RYR3: variants seen among roughly 807,000 people sequenced by gnomAD.
The protein encoded by RYR3 is ryanodine receptor 3.
RYR3 carries 207 observed loss-of-function variants against 584.3 expected under a neutral mutation model. That is an observed-to-expected ratio of 0.35 (90% CI 0.32 to 0.40). The LOEUF is 0.40. Among genes scored for constraint, RYR3 ranks in the 10% least tolerant of loss-of-function variants. The probability of loss-of-function intolerance (pLI) is 1.00; values close to 1 mark genes in which losing one functional copy is unlikely to be tolerated. For synonymous variants in RYR3, 2,416 were observed against 2,248.5 expected, an observed-to-expected ratio of 1.07 and a Z score of -2.11; for missense variants, 5,616 against 6,089.2, an observed-to-expected ratio of 0.92 and a Z score of 2.59.
At chr15:33,418,849 G>A (rs2044019075) in intron 1 of RYR3, among the ~76,000 whole-genome samples, 1 of 152,090 alleles carries the variant, frequency 6.6e-6, no homozygotes, top group African/African-American at 2.4e-5. Flanking sequence ...GAGAATCAAG[G>A]CAATAAGCTA....
Position 33,838,475 on chromosome 15 carries a change from C to G in RYR3, c.12495C>G (p.Leu4165=). 4 of 1,614,008 alleles carry G rather than the reference C, an allele frequency of 2.5e-6. No homozygotes were observed. Among genetic ancestry groups the G allele is most frequent in the Non-Finnish European group, 3.4e-6 (4 of 1,179,896 alleles). ...TGAAGAGAGCAACCCTGAAGAACCTCAGGAAGCAGTACAGGAACGTGAAAA... is the reference window on the plus strand; with the variant it reads ...TGAAGAGAGCAACCCTGAAGAACCTGAGGAAGCAGTACAGGAACGTGAAAA... ...DFLKRATLKN[L]RKQYRNVKKM... Residue 4165 remains leucine, a synonymous_variant, in exon 89 of 104, where the codon CTC becomes CTG. Coordinates refer to ENST00000634891, the MANE Select transcript of RYR3 (RefSeq NM_001036.6).
At position 33,603,462 on chromosome 15, in the gene RYR3, C is replaced by T. The variant is rs1393744124; in HGVS notation, c.2164+98C>T. 10 of 1,297,368 alleles carry T rather than the reference C, an allele frequency of 7.7e-6. No homozygotes were observed. The Admixed American group carries it at 2.1e-4, about 27-fold the overall frequency. 80.4% of individuals were successfully genotyped at this position (1,297,368 alleles called of 1,614,324 possible). On this transcript the variant is annotated intron_variant, in intron 18 of 103. Coordinates refer to ENST00000634891, the MANE Select transcript of RYR3 (RefSeq NM_001036.6). ...ATGACCACTTCCATTTGAAATGATACAGACTCAAGAGTCTCAACTAATTAA... is the reference window on the plus strand; with the variant it reads ...ATGACCACTTCCATTTGAAATGATATAGACTCAAGAGTCTCAACTAATTAA...
intron 1 of RYR3, among the ~76,000 whole-genome samples, chr15:33,470,106 C>T (rs967414270): frequency 1.3e-5 from 2 of 152,120 alleles, no homozygotes; most frequent in African/African-American, 2.4e-5. Flanking sequence ...AGCAGGAAAC[C>T]TTTATGTGAT....
At chr15:33,644,190 G>A in intron 27 of RYR3, 121 bp from the exon 28 acceptor site, 1 of 713,618 alleles carries the variant, frequency 1.4e-6, no homozygotes, top group Non-Finnish European at 2.4e-6. Flanking sequence ...AGAAAGAACG[G>A]GTTGTGTCAC....
At chr15:33,766,247 T>C (rs543446295) in intron 60 of RYR3, among the ~76,000 whole-genome samples, 8 of 148,336 alleles carry the variant, frequency 5.4e-5, no homozygotes, top group African/African-American at 1.8e-4. Flanking sequence ...GGCACCACTA[T>C]ACTCCAGCCT....
Position 33,613,169 on chromosome 15 carries a change from TC to T in RYR3, c.2165-13del. 1.2e-6 allele frequency: 2 copies of T among 1,610,132 alleles called. No individual in the cohort carries two copies. The highest frequency in any genetic ancestry group is 1.7e-6 in the Non-Finnish European group (2 of 1,177,188). On this transcript the variant is annotated splice_polypyrimidine_tract_variant and intron_variant, in intron 18 of 103. Transcript: ENST00000634891. ...CAGAGTTCCACAGCCTTCTTCCTGT[TC>T]TTTCCTCACCAGGCCGGATACCCAG... is the stretch of plus-strand genomic sequence containing the variant.
rs971929402 is a variant in RYR3 at position 33,788,473 on chromosome 15, A to G, written c.9830+15A>G. The G allele has an allele frequency of 6.2e-7, 1 of 1,609,382 alleles. No homozygotes were observed. Among genetic ancestry groups the G allele is most frequent in the African/African-American group, 1.3e-5 (1 of 74,840 alleles). On this transcript the variant is annotated intron_variant, in intron 67 of 103. Transcript: ENST00000634891. ...GACAACAACAGGTACGGAGGAGAGC[A>G]CTAGGAGCCTGTCTGCCCCTCTGTG... is the stretch of plus-strand genomic sequence containing the variant.
At chr15:33,774,534 A>G (rs1387437902) in intron 64 of RYR3, among the ~76,000 whole-genome samples, 1 of 152,238 alleles carries the variant, frequency 6.6e-6, no homozygotes, top group Non-Finnish European at 1.5e-5. Context: ...GCCAAAGATG[A>G]AATAAAAGAC....
intron 38 of RYR3, among the ~76,000 whole-genome samples, chr15:33,694,719 A>G (rs1653066454): frequency 6.6e-6 from 1 of 152,310 alleles, no homozygotes; most frequent in African/African-American, 2.4e-5. Flanking sequence ...GGATACAGAT[A>G]TTATCTAACC....
At position 33,311,697 on chromosome 15, in the gene RYR3, G is replaced by A. The variant is rs1967327072; in HGVS notation, c.51+601G>A. ...AGCCCCACGCCGGCAACTGCTGCTGGAGCCTGACTTGACTGACTGCCTGTC... is the reference window on the plus strand; with the variant it reads ...AGCCCCACGCCGGCAACTGCTGCTGAAGCCTGACTTGACTGACTGCCTGTC... On this transcript the variant is annotated intron_variant, in intron 1 of 103. Transcript: ENST00000634891. The surrounding 1 kb of genome is among the most constrained non-coding windows in gnomAD (Gnocchi z 4.4). 6.6e-6 allele frequency among the ~76,000 whole-genome samples: 1 copy of A among 152,200 alleles called. No homozygotes were observed. Among genetic ancestry groups the A allele is most frequent in the Admixed American group, 6.5e-5 (1 of 15,286 alleles).
At chr15:33,488,153 A>G (rs1356201302) in intron 2 of RYR3, among the ~76,000 whole-genome samples, 1 of 152,218 alleles carries the variant, frequency 6.6e-6, no homozygotes, top group East Asian at 1.9e-4. Context: ...TTGAGGCAAT[A>G]CCAAACCCCT....
intron 46 of RYR3, 54 bp downstream of exon 46, chr15:33,726,560 G>A (rs1567035853): frequency 1.4e-5 from 22 of 1,527,646 alleles, no homozygotes; most frequent in South Asian, 6.3e-5. Flanking sequence ...CCACTGGCTC[G>A]GGGCAGGACT....
intron 1 of RYR3, among the ~76,000 whole-genome samples, chr15:33,408,098 G>A (rs1462156296): frequency 6.6e-6 from 1 of 152,036 alleles, no homozygotes; most frequent in Non-Finnish European, 1.5e-5. Context: ...GCTGAGGTTG[G>A]GGCATGAATG....
chr15:33,685,006 G>T (rs1458872026), intron 38 of RYR3, among the ~76,000 whole-genome samples: 2 of 152,188 alleles, frequency 1.3e-5, no homozygotes, highest in Admixed American at 6.5e-5. Context: ...AAATTGTAAA[G>T]ACCATTGATG....
intron 51 of RYR3, among the ~76,000 whole-genome samples, chr15:33,741,795 T>C (rs1416415498): frequency 1.3e-5 from 2 of 152,238 alleles, no homozygotes; most frequent in South Asian, 2.1e-4. Context: ...TTTGTATTTT[T>C]AGTAGAGACG....
intron 3 of RYR3, 74 bp downstream of exon 3, chr15:33,503,812 C>A: frequency 1.2e-6 from 1 of 839,446 alleles, no homozygotes; most frequent in African/African-American, 1.7e-5. Flanking sequence ...ACATTTCATC[C>A]AACTTTGAAC....
chr15:33,853,506 T>G, intron 95 of RYR3, 49 bp from the exon 96 acceptor site: 2 of 1,594,148 alleles, frequency 1.3e-6, no homozygotes, highest in South Asian at 1.1e-5. Flanking sequence ...CTAGAAAATA[T>G]TTGGTGGTGG....
chr15:33,678,994 G>A (rs1045679147), intron 38 of RYR3, among the ~76,000 whole-genome samples: 4 of 152,212 alleles, frequency 2.6e-5, no homozygotes, highest in Admixed American at 2.6e-4. Flanking sequence ...AAATTTGCAT[G>A]ATGAATTCTT....
rs34767570 is a variant in RYR3, at chr15:33,382,319, C to CTTTTTTTTT, written c.51+71237_51+71245dup. ...CAGGAACTGCTAATTTTAAAAGTGG[C>CTTTTTTTTT]TTTTTTTTTTTTTTTTTTTTTTGAG... On this transcript the variant is annotated intron_variant, in intron 1 of 103. Coordinates refer to ENST00000634891, the MANE Select transcript of RYR3 (RefSeq NM_001036.6). Among the ~76,000 whole-genome samples the CTTTTTTTTT allele has an allele frequency of 3.9e-3, 409 of 104,770 alleles. 40 individuals are homozygous for CTTTTTTTTT. Among genetic ancestry groups the CTTTTTTTTT allele is most frequent in the African/African-American group, 0.015 (363 of 24,692 alleles). 68.7% of individuals were successfully genotyped at this position (104,770 alleles called of 152,430 possible).
Sources: gnomAD v4.1 joint callset for allele counts (sites outside exome capture counted in the v4.1 genomes callset) on GRCh38, gnomAD v4.1.1 for gene constraint, Gnocchi (gnomAD v3.1) non-coding constraint, MANE v1.5 for transcripts, NCBI Gene and HGNC (gene_info 2026-07-23, HGNC 2026-07-21) for gene names.